MRPS28: variants seen among roughly 807,000 people sequenced by gnomAD.
MRPS28 encodes small ribosomal subunit protein bS1m.
A neutral mutation model predicts 10.8 loss-of-function variants in MRPS28; 7 were observed. The observed-to-expected ratio is 0.65, with a 90% CI of 0.37 to 1.22. The LOEUF (loss-of-function observed/expected upper bound fraction) is 1.22. Ranked by LOEUF, MRPS28 falls within the 50% of genes most tolerant of loss-of-function variation. The probability of loss-of-function intolerance (pLI) is 0.02; values close to 1 mark genes in which losing one functional copy is unlikely to be tolerated. For missense variants in MRPS28, 265 were observed against 232.9 expected, an observed-to-expected ratio of 1.14 and a Z score of -0.90; for synonymous variants, 121 against 93.3, an observed-to-expected ratio of 1.30 and a Z score of -1.71.
At chr8:80,011,544 A>G (rs1468127325) in intron 1 of MRPS28, among the ~76,000 whole-genome samples, 2 of 152,104 alleles carry the variant, frequency 1.3e-5, no homozygotes, top group African/African-American at 2.4e-5. Flanking sequence ...ACTTGAAGTC[A>G]GCAGTTCAAG....
At chr8:79,935,314 C>G (rs1806579347) in intron 2 of MRPS28, among the ~76,000 whole-genome samples, 1 of 152,194 alleles carries the variant, frequency 6.6e-6, no homozygotes, top group African/African-American at 2.4e-5. Flanking sequence ...CAACAGTACA[C>G]AAAACTGGCT....
intron 2 of MRPS28, among the ~76,000 whole-genome samples, chr8:79,983,948 G>A (rs552196308): frequency 0.023 from 3,435 of 152,180 alleles, 147 homozygotes; most frequent in African/African-American, 0.078. Context: ...TCCTCGAGAA[G>A]AGCAACTCCA....
chr8:80,019,703 T>C (rs78008168), intron 1 of MRPS28, among the ~76,000 whole-genome samples: 4,324 of 152,180 alleles, frequency 0.028, 201 homozygotes, highest in African/African-American at 0.098. Context: ...TGTATGATCA[T>C]GGATGGCATG....
intron 2 of MRPS28, among the ~76,000 whole-genome samples, chr8:79,982,598 C>A (rs936309640): frequency 6.6e-6 from 1 of 152,166 alleles, no homozygotes; most frequent in Non-Finnish European, 1.5e-5. Context: ...AAAAACGGCG[C>A]ACCAGGAGAT....
intron 2 of MRPS28, among the ~76,000 whole-genome samples, chr8:80,002,762 T>C (rs1378545103): frequency 6.6e-6 from 1 of 152,242 alleles, no homozygotes; most frequent in African/African-American, 2.4e-5. Flanking sequence ...TGGCTTATTA[T>C]CAGGATGAAC....
At chr8:79,967,747 T>C (rs1016922831) in intron 2 of MRPS28, among the ~76,000 whole-genome samples, 2 of 151,776 alleles carry the variant, frequency 1.3e-5, no homozygotes, top group Admixed American at 6.6e-5. Context: ...GTGTGGAGGG[T>C]AGATTTCCTC....
intron 1 of MRPS28, chr8:80,029,623 A>T: frequency 1.4e-6 from 1 of 708,030 alleles, no homozygotes; most frequent in South Asian, 1.8e-5. Flanking sequence ...CTTCTACTCC[A>T]GACAGCAAGC....
chr8:79,993,477 T>C (rs1331002393), intron 2 of MRPS28, among the ~76,000 whole-genome samples: 1 of 152,182 alleles, frequency 6.6e-6, no homozygotes, highest in East Asian at 1.9e-4. Context: ...AAGAATTTTG[T>C]TATGGCATGT....
At chr8:79,990,855 A>G (rs1586081742) in intron 2 of MRPS28, among the ~76,000 whole-genome samples, 1 of 151,416 alleles carries the variant, frequency 6.6e-6, no homozygotes, top group Non-Finnish European at 1.5e-5. Flanking sequence ...TTAGCTGGGC[A>G]TGGCGCGCGC....
chr8:80,010,073 C>T (rs775942354), intron 1 of MRPS28, among the ~76,000 whole-genome samples: 6 of 152,068 alleles, frequency 3.9e-5, no homozygotes, highest in Non-Finnish European at 5.9e-5. Flanking sequence ...ATTCACTTTC[C>T]GGGAATCTTT....
At chr8:79,961,036 C>T (rs1382573941) in intron 2 of MRPS28, among the ~76,000 whole-genome samples, 1 of 152,008 alleles carries the variant, frequency 6.6e-6, no homozygotes, top group East Asian at 1.9e-4. Context: ...GGCCGGCCTT[C>T]CCTGATTTCA....
intron 2 of MRPS28, among the ~76,000 whole-genome samples, chr8:79,954,496 C>A (rs1807155462): frequency 6.6e-6 from 1 of 152,146 alleles, no homozygotes; most frequent in South Asian, 2.1e-4. Flanking sequence ...GAAAGATACC[C>A]TGGGGCTTTT....
At chr8:79,927,479 T>C (rs1419408242) in intron 2 of MRPS28, among the ~76,000 whole-genome samples, 3 of 54,396 alleles carry the variant, frequency 5.5e-5, no homozygotes, top group African/African-American at 2.3e-4. Flanking sequence ...ACAGAAAACT[T>C]CTAAAAAATT....
intron 1 of MRPS28, among the ~76,000 whole-genome samples, chr8:80,026,437 G>A (rs1455636357): frequency 1.3e-5 from 2 of 152,142 alleles, no homozygotes; most frequent in Non-Finnish European, 2.9e-5. Flanking sequence ...TTGTACAATT[G>A]TTTGTGGACA....
At chr8:79,967,679 G>A (rs1232626449) in intron 2 of MRPS28, among the ~76,000 whole-genome samples, 1 of 152,142 alleles carries the variant, frequency 6.6e-6, no homozygotes. Context: ...AATCAAGATG[G>A]ACGGCATTGC....
At chr8:79,936,305 G>A (rs1806604228) in intron 2 of MRPS28, among the ~76,000 whole-genome samples, 1 of 151,554 alleles carries the variant, frequency 6.6e-6, no homozygotes, top group Admixed American at 6.6e-5. Context: ...CTCCAGCCTG[G>A]GTGACAGAGC....
intron 2 of MRPS28, among the ~76,000 whole-genome samples, chr8:79,943,308 C>T (rs1314607377): frequency 2.0e-5 from 3 of 152,132 alleles, no homozygotes; most frequent in East Asian, 1.9e-4. Context: ...CTACAAGAGC[C>T]GAAGAAGGAA....
In MRPS28 at chr8:79,984,946, C is replaced by T. The variant is rs146468128; in HGVS notation, c.395+18053G>A. ...GGACCTAATACACATCTACAGAATT[C>T]TCCACCCCAAATCAACAGAATATAC... On this transcript the variant is annotated intron_variant, in intron 2 of 2. Transcript: ENST00000276585. Among the ~76,000 whole-genome samples, 768 of 152,308 alleles carry T rather than the reference C, an allele frequency of 5.0e-3. 5 individuals are homozygous for T. Among genetic ancestry groups the T allele is most frequent in the African/African-American group, 0.018 (733 of 41,546 alleles).
intron 1 of MRPS28, among the ~76,000 whole-genome samples, chr8:80,015,728 C>G (rs190016973): frequency 6.6e-5 from 10 of 152,238 alleles, no homozygotes; most frequent in African/African-American, 2.4e-4. Context: ...AGCAAGGATA[C>G]TGAAATTATC....
Sources: allele counts gnomAD v4.1 joint callset (sites outside exome capture counted in the v4.1 genomes callset), GRCh38; gene constraint gnomAD v4.1.1; transcripts MANE v1.5; gene names NCBI Gene and HGNC (gene_info 2026-07-23, HGNC 2026-07-21).